The following SLC22A4 variants were observed in gnomAD, a reference collection of about 807,000 sequenced individuals.
The protein encoded by SLC22A4 is solute carrier family 22 member 4.
In SLC22A4, 39 loss-of-function variants were observed where a neutral mutation model predicts 56.6. That is an observed-to-expected ratio of 0.69 (90% CI 0.53 to 0.90). The LOEUF (loss-of-function observed/expected upper bound fraction) is 0.90. SLC22A4 is among the 40% of genes least tolerant of loss of function. SLC22A4 has a pLI of 0.00. For missense variants in SLC22A4, 594 were observed against 696.5 expected, an observed-to-expected ratio of 0.85 and a Z score of 1.66; for synonymous variants, 241 against 281.4, an observed-to-expected ratio of 0.86 and a Z score of 1.44.
chr5:132,331,032 T>C (rs1184993804), intron 5 of SLC22A4, among the ~76,000 whole-genome samples: 1 of 152,098 alleles, frequency 6.6e-6, no homozygotes, highest in Non-Finnish European at 1.5e-5. Flanking sequence ...TCTGTTCTGA[T>C]GCTAAATGAC....
chr5:132,336,149 C>T, intron 8 of SLC22A4, 149 bp downstream of exon 8: 1 of 796,472 alleles, frequency 1.3e-6, no homozygotes, highest in Non-Finnish European at 2.1e-6. Flanking sequence ...CTCTAGAAAG[C>T]CAATCACAAA....
intron 4 of SLC22A4, among the ~76,000 whole-genome samples, chr5:132,326,658 C>G (rs906141120): frequency 6.6e-6 from 1 of 152,164 alleles, no homozygotes; most frequent in Non-Finnish European, 1.5e-5. Flanking sequence ...AAACAATAAG[C>G]TTTTTTAGAC....
chr5:132,294,911 C>A lies in SLC22A4; in HGVS notation c.295C>A (p.Pro99Thr), dbSNP rs1323106683. 6.3e-7 allele frequency: 1 copy of A among 1,595,678 alleles called. No homozygotes were observed. The highest frequency in any genetic ancestry group is 8.5e-7 in the Non-Finnish European group (1 of 1,171,954). ...CAACTTCTCGGCGCTCGGGCTGGAG[C>A]CGGGGCGCGACGTGGACCTGGGGCA... Reference protein sequence around the residue: ...IANFSALGLEPGRDVDLGQLE... With the variant: ...IANFSALGLETGRDVDLGQLE... Residue 99 changes from proline (P) to threonine (T), a missense_variant, in exon 1 of 10, where the codon CCG becomes ACG. Transcript: ENST00000200652. The surrounding 1 kb of genome is among the most constrained non-coding windows in gnomAD (Gnocchi z 5.6).
chr5:132,335,102 C>T (rs1193028010), intron 7 of SLC22A4, among the ~76,000 whole-genome samples, 170 bp downstream of exon 7: 2 of 152,172 alleles, frequency 1.3e-5, no homozygotes, highest in Non-Finnish European at 2.9e-5. Context: ...TTCAAAACAA[C>T]TACCCCAAAC....
intron 1 of SLC22A4, among the ~76,000 whole-genome samples, chr5:132,301,905 G>A (rs906840680): frequency 1.3e-5 from 2 of 152,204 alleles, no homozygotes; most frequent in African/African-American, 2.4e-5. Flanking sequence ...TATTAACCAA[G>A]TTGATCATCC....
chr5:132,305,243 A>T (rs1274154697), intron 1 of SLC22A4, among the ~76,000 whole-genome samples: 2 of 152,210 alleles, frequency 1.3e-5, no homozygotes, highest in Non-Finnish European at 2.9e-5. Context: ...AAGAACAGAG[A>T]GGAAAAAGGG....
rs183794268 is a variant in SLC22A4 at position 132,332,139 on chromosome 5, C to T, written c.1046+289C>T. 323 of 367,260 alleles carry T rather than the reference C, an allele frequency of 8.8e-4. 7 individuals are homozygous for T. The East Asian group carries it at 0.016, about 18-fold the overall frequency. 22.8% of individuals were successfully genotyped at this position (367,260 alleles called of 1,614,324 possible). A position where few individuals can be genotyped will look rare whatever the true frequency, so the allele number is the denominator to read the frequency against. On this transcript the variant is annotated intron_variant, in intron 6 of 9. Transcript: ENST00000200652. Reference sequence around the variant, plus strand: ...GACGAATCTAGCCAACATGGTGAAACCCCGTCTCTACTAAAAATACAAAAA... The same window carrying T: ...GACGAATCTAGCCAACATGGTGAAATCCCGTCTCTACTAAAAATACAAAAA...
chr5:132,307,805 C>T (rs1009802136), intron 1 of SLC22A4, among the ~76,000 whole-genome samples: 2 of 152,058 alleles, frequency 1.3e-5, no homozygotes, highest in South Asian at 2.1e-4. Context: ...TACCTTCCAG[C>T]GTTCTCAGTT....
intron 1 of SLC22A4, among the ~76,000 whole-genome samples, chr5:132,309,241 AG>A (rs999488915): frequency 3.4e-4 from 52 of 152,294 alleles, no homozygotes; most frequent in Middle Eastern, 3.4e-3. Context: ...TCCTAATACC[AG>A]GCCCCTCACA....
intron 1 of SLC22A4, among the ~76,000 whole-genome samples, chr5:132,303,211 A>C (rs1749945670): frequency 6.6e-6 from 1 of 152,236 alleles, no homozygotes; most frequent in African/African-American, 2.4e-5. Context: ...ACATGAAAAG[A>C]TTCTGAGACT....
At chr5:132,321,905 C>T (rs548498456) in intron 3 of SLC22A4, among the ~76,000 whole-genome samples, 1 of 151,542 alleles carries the variant, frequency 6.6e-6, no homozygotes, top group East Asian at 1.9e-4. Context: ...GAGACTTTGT[C>T]TCAAAAATAA....
At chr5:132,301,889 C>A (rs1226860167) in intron 1 of SLC22A4, among the ~76,000 whole-genome samples, 1 of 152,220 alleles carries the variant, frequency 6.6e-6, no homozygotes, top group South Asian at 2.1e-4. Context: ...GTCAAGATAG[C>A]CTGAATATTA....
chr5:132,309,163 G>A (rs1020175458), intron 1 of SLC22A4, among the ~76,000 whole-genome samples: 2 of 152,224 alleles, frequency 1.3e-5, no homozygotes, highest in Non-Finnish European at 2.9e-5. Context: ...ACCCCTCTTA[G>A]GACTGGCAGC....
At position 132,334,784 on chromosome 5, in the gene SLC22A4, C is replaced by T. The variant is rs1221214178; in HGVS notation, c.1113C>T (p.Tyr371=). ...CTCCTAATTTACATGGAGATGCCTA[C>T]CTGAACTGTTTCCTCTCTGCCTTGA... ...LDAPNLHGDA[Y]LNCFLSALIE... is the part of the protein sequence containing the mutation. Residue 371 remains tyrosine (Y), a synonymous_variant, in exon 7 of 10, where the codon TAC becomes TAT. Transcript: ENST00000200652. The T allele has an allele frequency of 1.5e-5, 25 of 1,613,944 alleles. No homozygotes were observed. Among genetic ancestry groups the T allele is most frequent in the Non-Finnish European group, 1.9e-5 (22 of 1,179,936 alleles).
intron 1 of SLC22A4, among the ~76,000 whole-genome samples, chr5:132,303,398 G>A (rs1389480845): frequency 3.3e-5 from 5 of 152,144 alleles, no homozygotes; most frequent in Admixed American, 3.3e-4. Context: ...TGAAGTCTAT[G>A]ATATTTGAGT....
rs557037441 is a variant in SLC22A4 at position 132,321,939 on chromosome 5, AAAAT to A, written c.653-232_653-229del. On this transcript the variant is annotated intron_variant, in intron 3 of 9. Transcript: ENST00000200652. Reference sequence around the variant, plus strand: ...AATAATAATAATAATAAATTAATTAAAAATAAATAAATAAATCTATGGCTCCATT... The same window carrying A: ...AATAATAATAATAATAAATTAATTAAAAATAAATAAATCTATGGCTCCATT... 5.3e-4 allele frequency among the ~76,000 whole-genome samples: 80 copies of A among 152,004 alleles called. 1 individual carries two copies. The South Asian group carries it at 0.017, about 32-fold the overall frequency.
Position 132,294,892 on chromosome 5 carries a change from C to T in SLC22A4, c.276C>T (p.Phe92=), listed in dbSNP as rs1178266609. 1.3e-6 allele frequency: 2 copies of T among 1,596,474 alleles called. No homozygotes were observed. Among genetic ancestry groups the T allele is most frequent in the Non-Finnish European group, 1.7e-6 (2 of 1,172,770 alleles). The part of the protein sequence containing the change: ...SRYRLATIAN[F]SALGLEPGRD... ...ACCGGCTCGCCACCATCGCCAACTT[C>T]TCGGCGCTCGGGCTGGAGCCGGGGC... The change falls in exon 1 of 10, where the codon TTC becomes TTT. Residue 92 remains phenylalanine, a synonymous_variant. Coordinates refer to ENST00000200652, the MANE Select transcript of SLC22A4 (RefSeq NM_003059.3). This position sits in a 1 kb window ranked among gnomAD's most constrained non-coding sequence, Gnocchi z 5.6.
Position 132,294,628 on chromosome 5 carries a change from C to T in SLC22A4, c.12C>T (p.Tyr4=), listed in dbSNP as rs1580814461. 6.2e-7 allele frequency: 1 copy of T among 1,614,154 alleles called. No individual in the cohort carries two copies. The highest frequency in any genetic ancestry group is 2.2e-5 in the East Asian group (1 of 44,864). The change falls in exon 1 of 10, where the codon TAC becomes TAT. Residue 4 remains tyrosine, a synonymous_variant. Transcript: ENST00000200652. The surrounding 1 kb of genome is among the most constrained non-coding windows in gnomAD (Gnocchi z 5.6). ...CGGCAGTGGGAAGCATGCGGGACTA[C>T]GACGAGGTGATCGCCTTCCTGGGCG... MRD[Y]DEVIAFLGEW...
At chr5:132,338,090 C>T (rs1475275653) in intron 8 of SLC22A4, among the ~76,000 whole-genome samples, 1 of 152,000 alleles carries the variant, frequency 6.6e-6, no homozygotes, top group Non-Finnish European at 1.5e-5. Context: ...AAATTCAGCC[C>T]TGATAATTCA....
Sources: gnomAD v4.1 joint callset for allele counts (sites outside exome capture counted in the v4.1 genomes callset) on GRCh38, gnomAD v4.1.1 for gene constraint, Gnocchi (gnomAD v3.1) non-coding constraint, MANE v1.5 for transcripts, NCBI Gene and HGNC (gene_info 2026-07-23, HGNC 2026-07-21) for gene names.